GMDS: variants seen among roughly 807,000 people sequenced by gnomAD.
The protein encoded by GMDS is GDP-mannose 4,6 dehydratase.
Under a neutral mutation model 49.9 loss-of-function variants are expected in GMDS, and 20 were observed. The observed-to-expected ratio is 0.40, with a 90% CI of 0.28 to 0.58. GMDS has a LOEUF of 0.58. Ranked by LOEUF, GMDS falls within the 20% of genes least tolerant of loss-of-function variation. The pLI is 0.42. For missense variants in GMDS, 362 were observed against 481.4 expected, an observed-to-expected ratio of 0.75 and a Z score of 2.32; for synonymous variants, 177 against 178.6, an observed-to-expected ratio of 0.99 and a Z score of 0.07.
intron 9 of GMDS, among the ~76,000 whole-genome samples, chr6:1,627,546 A>C (rs1054205401): frequency 1.4e-4 from 21 of 152,204 alleles, no homozygotes; most frequent in Non-Finnish European, 2.9e-5. Flanking sequence ...AAGATTTTTG[A>C]ACTTCCACAA....
intron 4 of GMDS, among the ~76,000 whole-genome samples, chr6:2,026,135 G>A (rs183608634): frequency 2.1e-3 from 323 of 152,200 alleles, no homozygotes; most frequent in South Asian, 9.4e-3. Context: ...CACCAAAAAC[G>A]GTGCTCAAAA....
intron 4 of GMDS, among the ~76,000 whole-genome samples, chr6:2,079,381 T>C (rs1054739600): frequency 2.0e-5 from 3 of 152,040 alleles, no homozygotes; most frequent in Non-Finnish European, 4.4e-5. Context: ...CTAATTTTGG[T>C]TTGGTGGTTT....
chr6:1,655,512 C>A (rs543962932), intron 9 of GMDS, among the ~76,000 whole-genome samples: 2 of 101,682 alleles, frequency 2.0e-5, no homozygotes, highest in African/African-American at 8.2e-5. Flanking sequence ...CACACACACA[C>A]ACACACATAT....
intron 9 of GMDS, among the ~76,000 whole-genome samples, chr6:1,675,030 C>T (rs1337150402): frequency 1.3e-5 from 2 of 152,054 alleles, no homozygotes; most frequent in Non-Finnish European, 2.9e-5. Flanking sequence ...CTCCACCTCC[C>T]AGGTTCAAGC....
At chr6:1,681,115 CA>C (rs1764771651) in intron 9 of GMDS, among the ~76,000 whole-genome samples, 1 of 152,088 alleles carries the variant, frequency 6.6e-6, no homozygotes, top group African/African-American at 2.4e-5. Context: ...CGTACACCTA[CA>C]AATACACACA....
At chr6:1,675,582 G>A (rs974528232) in intron 9 of GMDS, among the ~76,000 whole-genome samples, 16 of 152,150 alleles carry the variant, frequency 1.1e-4, no homozygotes, top group African/African-American at 3.9e-4. Flanking sequence ...GCTGGGTGCG[G>A]TGGCTCATGC....
chr6:1,902,434 G>C (rs1444016116), intron 7 of GMDS, among the ~76,000 whole-genome samples: 2 of 152,134 alleles, frequency 1.3e-5, no homozygotes, highest in African/African-American at 4.8e-5. Context: ...AATAAGTAAA[G>C]GGTCCTAGAG....
rs1779382088 is a variant in GMDS, at chr6:2,198,741, C to T, written c.102+46580G>A. On this transcript the variant is annotated intron_variant, in intron 1 of 10. Coordinates refer to ENST00000380815, the MANE Select transcript of GMDS (RefSeq NM_001500.4). ...AACTTCTATACCACATCAGACTTCT[C>T]AACAAGTTCAAGAAAAACTAAGCAT... is the stretch of plus-strand genomic sequence containing the variant. Among the ~76,000 whole-genome samples, 3 of 152,182 alleles carry T rather than the reference C, an allele frequency of 2.0e-5. 1 individual carries two copies. The South Asian group carries it at 6.2e-4, about 32-fold the overall frequency.
In GMDS at chr6:1,656,991, G is replaced by C. The variant is rs543340343; in HGVS notation, c.988-32451C>G. Among the ~76,000 whole-genome samples the C allele has an allele frequency of 2.6e-5, 4 of 152,092 alleles. No homozygotes were observed. The East Asian group carries it at 7.7e-4, about 29-fold the overall frequency. ...GCACCATGCTGGAGGTCTCAGTGGC[G>C]GGGGGCACATCTCACCCAAGGCCAC... On this transcript the variant is annotated intron_variant, in intron 9 of 10. Coordinates refer to ENST00000380815, the MANE Select transcript of GMDS (RefSeq NM_001500.4).
chr6:1,926,347 T>C (rs538018281), intron 7 of GMDS, among the ~76,000 whole-genome samples: 44 of 152,182 alleles, frequency 2.9e-4, no homozygotes, highest in Non-Finnish European at 1.2e-4. Context: ...CCCTAGATAC[T>C]GCTGTGGGGT....
chr6:1,749,628 T>G (rs1439688807), intron 7 of GMDS, among the ~76,000 whole-genome samples: 1 of 152,078 alleles, frequency 6.6e-6, no homozygotes, highest in Non-Finnish European at 1.5e-5. Context: ...AGAAATTGTC[T>G]TCTCCTTCAG....
chr6:1,754,534 C>G (rs973068934), intron 7 of GMDS, among the ~76,000 whole-genome samples: 2 of 152,160 alleles, frequency 1.3e-5, no homozygotes, highest in African/African-American at 4.8e-5. Context: ...TTTTATGAGG[C>G]CAGCATCATC....
At chr6:2,179,777 G>A (rs1470760438) in intron 1 of GMDS, among the ~76,000 whole-genome samples, 2 of 152,104 alleles carry the variant, frequency 1.3e-5, no homozygotes, top group African/African-American at 4.8e-5. Context: ...GAAACTTAAG[G>A]TGATAAACCC....
chr6:1,712,711 A>G (rs368378345), intron 9 of GMDS, among the ~76,000 whole-genome samples: 3 of 152,190 alleles, frequency 2.0e-5, no homozygotes, highest in Non-Finnish European at 2.9e-5. Flanking sequence ...CAGAAGTTCA[A>G]TTGTCTGAAA....
intron 9 of GMDS, among the ~76,000 whole-genome samples, chr6:1,721,584 T>C (rs745810653): frequency 2.2e-4 from 34 of 152,138 alleles, no homozygotes; most frequent in Non-Finnish European, 4.4e-4. Context: ...TTTCCCAAGA[T>C]GCTCTGCAGA....
At chr6:2,116,460 T>C (rs543883789) in intron 3 of GMDS, among the ~76,000 whole-genome samples, 11 of 152,338 alleles carry the variant, frequency 7.2e-5, no homozygotes, top group South Asian at 4.1e-4. Flanking sequence ...GGATGGGTGA[T>C]GTACTAACTT....
At chr6:1,822,650 T>C (rs1182707554) in intron 7 of GMDS, among the ~76,000 whole-genome samples, 22 of 152,156 alleles carry the variant, frequency 1.4e-4, no homozygotes, top group Admixed American at 1.4e-3. Context: ...TCTGTTAATG[T>C]TTAAGGCTTT....
chr6:1,687,783 G>A lies in GMDS; in HGVS notation c.987+38633C>T, dbSNP rs1369893018. On this transcript the variant is annotated intron_variant, in intron 9 of 10. Coordinates refer to ENST00000380815, the MANE Select transcript of GMDS (RefSeq NM_001500.4). ...CTCTAACTTTCTGGGGGAGGAGCAG[G>A]TGTCAGTGCCCCAAGGTGAAGCTGA... is the stretch of plus-strand genomic sequence containing the variant. Among the ~76,000 whole-genome samples the A allele has an allele frequency of 5.9e-5, 9 of 152,118 alleles. No homozygotes were observed. In the East Asian group the frequency reaches 1.5e-3, roughly 26 times the overall value.
chr6:2,139,611 A>T (rs551366519), intron 1 of GMDS, among the ~76,000 whole-genome samples: 8 of 152,182 alleles, frequency 5.3e-5, no homozygotes, highest in Non-Finnish European at 1.2e-4. Context: ...TACTCTAATT[A>T]TCCCCACATT....
Sources: allele counts gnomAD v4.1 joint callset (sites outside exome capture counted in the v4.1 genomes callset), GRCh38; gene constraint gnomAD v4.1.1; transcripts MANE v1.5; gene names NCBI Gene and HGNC (gene_info 2026-07-23, HGNC 2026-07-21).